The following SLX4IP variants were observed in gnomAD, a reference collection of about 807,000 sequenced individuals.
SLX4IP encodes the protein protein SLX4IP.
In SLX4IP, 34 loss-of-function variants were observed where a neutral mutation model predicts 32.9. That is an observed-to-expected ratio of 1.03 (90% CI 0.79 to 1.38). The LOEUF (loss-of-function observed/expected upper bound fraction) is 1.38, where lower values mean the gene tolerates loss of function less well. Ranked by LOEUF, SLX4IP falls within the 40% of genes most tolerant of loss-of-function variation. The pLI is 0.00. For synonymous variants in SLX4IP, 172 were observed against 171.7 expected (o/e 1.00, Z -0.01); for missense variants, 444 against 479.0 (o/e 0.93, Z 0.68).
chr20:10,587,758 C>T (rs2066662273), intron 4 of SLX4IP, among the ~76,000 whole-genome samples: 1 of 152,106 alleles, frequency 6.6e-6, no homozygotes, highest in African/African-American at 2.4e-5. Context: ...AAAGAATAGT[C>T]TCTTCAATAA....
intron 4 of SLX4IP, among the ~76,000 whole-genome samples, chr20:10,597,202 G>A (rs2066780668): frequency 6.6e-6 from 1 of 152,188 alleles, no homozygotes; most frequent in Admixed American, 6.5e-5. Flanking sequence ...ATGGACTTTG[G>A]AGAATCTGAT....
At chr20:10,496,680 C>T (rs1336181167) in intron 2 of SLX4IP, among the ~76,000 whole-genome samples, 2 of 149,430 alleles carry the variant, frequency 1.3e-5, no homozygotes, top group Admixed American at 6.7e-5. Context: ...AAAAAAAAGG[C>T]GTGCTCACTG....
chr20:10,590,108 TAAAC>T (rs1210764187), intron 4 of SLX4IP, among the ~76,000 whole-genome samples: 1 of 152,176 alleles, frequency 6.6e-6, no homozygotes, highest in East Asian at 1.9e-4. Context: ...ACATATTTGT[TAAAC>T]AAATAAATAT....
chr20:10,470,930 T>C (rs2122361981), intron 2 of SLX4IP, among the ~76,000 whole-genome samples: 1 of 152,290 alleles, frequency 6.6e-6, no homozygotes, highest in East Asian at 1.9e-4. Context: ...TGAATGCATG[T>C]TGTGGTTTCA....
chr20:10,607,282 T>TGGAACCCGCTGATG (rs2066915920), intron 6 of SLX4IP, among the ~76,000 whole-genome samples: 1 of 152,142 alleles, frequency 6.6e-6, no homozygotes, highest in Admixed American at 6.5e-5. Flanking sequence ...GACACTAAGA[T>TGGAACCCGCTGATG]ATTTGGGTTC....
At chr20:10,580,435 AT>A (rs1169487638) in intron 4 of SLX4IP, among the ~76,000 whole-genome samples, 1 of 146,482 alleles carries the variant, frequency 6.8e-6, no homozygotes, top group Non-Finnish European at 1.5e-5. Flanking sequence ...AATGTTTCCC[AT>A]CCTTGAGGAT....
intron 2 of SLX4IP, among the ~76,000 whole-genome samples, chr20:10,507,341 A>G (rs2065768099): frequency 6.6e-6 from 1 of 152,200 alleles, no homozygotes; most frequent in Non-Finnish European, 1.5e-5. Context: ...CAGGAGAGGA[A>G]GAGGCCACTA....
chr20:10,613,552 T>A, intron 6 of SLX4IP: 1 of 1,612,170 alleles, frequency 6.2e-7, no homozygotes, highest in Non-Finnish European at 8.5e-7. Context: ...TCCTTTTGTC[T>A]GCTCTGAATG....
At chr20:10,579,853 G>T (rs1329905235) in intron 4 of SLX4IP, among the ~76,000 whole-genome samples, 2 of 151,940 alleles carry the variant, frequency 1.3e-5, no homozygotes, top group African/African-American at 4.8e-5. Flanking sequence ...CTTCCCAGCA[G>T]GGTCAAAGCT....
At chr20:10,606,838 T>G (rs2066912001) in intron 6 of SLX4IP, among the ~76,000 whole-genome samples, 1 of 152,188 alleles carries the variant, frequency 6.6e-6, no homozygotes, top group Non-Finnish European at 1.5e-5. Context: ...TCTGTCCATT[T>G]TTTTTACTGA....
intron 2 of SLX4IP, among the ~76,000 whole-genome samples, chr20:10,527,388 A>C (rs2065949119): frequency 6.6e-6 from 1 of 152,208 alleles, no homozygotes; most frequent in Non-Finnish European, 1.5e-5. Context: ...GGCATGTTTC[A>C]TGATTTACCA....
intron 6 of SLX4IP, among the ~76,000 whole-genome samples, chr20:10,608,408 G>A (rs1350444308): frequency 2.0e-5 from 3 of 152,142 alleles, no homozygotes; most frequent in Admixed American, 6.5e-5. Context: ...GCTCATGCCT[G>A]TAATCCCAGC....
intron 4 of SLX4IP, among the ~76,000 whole-genome samples, chr20:10,568,972 TTC>T (rs1310648084): frequency 6.6e-6 from 1 of 152,180 alleles, no homozygotes; most frequent in African/African-American, 2.4e-5. Flanking sequence ...GTTCGAATAT[TTC>T]TCTTTTTCCC....
chr20:10,464,532 T>A (rs2065364471), intron 2 of SLX4IP, among the ~76,000 whole-genome samples: 2 of 152,084 alleles, frequency 1.3e-5, no homozygotes, highest in African/African-American at 4.8e-5. Context: ...TTAAAAACAA[T>A]AATAATAAAT....
chr20:10,488,521 T>C (rs1426424053), intron 2 of SLX4IP, among the ~76,000 whole-genome samples: 3 of 152,166 alleles, frequency 2.0e-5, no homozygotes, highest in Non-Finnish European at 4.4e-5. Context: ...TGTCTTTTGG[T>C]ACTTTATATC....
At chr20:10,608,673 CAA>C (rs560866110) in intron 6 of SLX4IP, among the ~76,000 whole-genome samples, 19 of 60,442 alleles carry the variant, frequency 3.1e-4, no homozygotes, top group East Asian at 9.2e-4. Context: ...TACTCTGTCT[CAA>C]AAAAAAAAAA....
intron 5 of SLX4IP, 137 bp from the exon 6 acceptor site, chr20:10,601,594 T>A: frequency 4.6e-6 from 3 of 656,742 alleles, no homozygotes; most frequent in Non-Finnish European, 7.9e-6. Context: ...ACCGAAAGGA[T>A]GGGAGGAGAG....
intron 2 of SLX4IP, among the ~76,000 whole-genome samples, chr20:10,465,173 G>T (rs771757983): frequency 6.6e-6 from 1 of 152,110 alleles, no homozygotes; most frequent in Non-Finnish European, 1.5e-5. Flanking sequence ...ATCTCCCCAA[G>T]GCTTCATAGC....
chr20:10,471,568 G>A (rs1410497971), intron 2 of SLX4IP, among the ~76,000 whole-genome samples: 1 of 152,214 alleles, frequency 6.6e-6, no homozygotes, highest in Non-Finnish European at 1.5e-5. Flanking sequence ...TTGGGCTACA[G>A]TGGCAGGTGG....
Sources: gnomAD v4.1 joint callset for allele counts (sites outside exome capture counted in the v4.1 genomes callset) on GRCh38, gnomAD v4.1.1 for gene constraint, MANE v1.5 for transcripts, NCBI Gene and HGNC (gene_info 2026-07-23, HGNC 2026-07-21) for gene names.